The following CCSER1 variants were observed in gnomAD, a reference collection of about 807,000 sequenced individuals.
CCSER1 encodes serine-rich coiled-coil domain-containing protein 1.
Under a neutral mutation model 82.0 loss-of-function variants are expected in CCSER1, and 41 were observed. That is an observed-to-expected ratio of 0.50 (90% CI 0.39 to 0.65). The LOEUF (loss-of-function observed/expected upper bound fraction) is 0.65, where lower values mean the gene tolerates loss of function less well. Among genes scored for constraint, CCSER1 ranks in the 30% least tolerant of loss-of-function variants. The pLI is 0.00. For synonymous variants in CCSER1, 414 were observed against 383.9 expected, an observed-to-expected ratio of 1.08 and a Z score of -0.92; for missense variants, 1,119 against 1,064.2, an observed-to-expected ratio of 1.05 and a Z score of -0.72.
At chr4:90,983,975 A>G (rs951759847) in intron 9 of CCSER1, among the ~76,000 whole-genome samples, 3 of 151,770 alleles carry the variant, frequency 2.0e-5, no homozygotes, top group Admixed American at 2.0e-4. Context: ...CTCTTTTTGT[A>G]TCAGCAACAG....
chr4:91,363,449 G>GA (rs1181936685), intron 10 of CCSER1, among the ~76,000 whole-genome samples: 10 of 150,616 alleles, frequency 6.6e-5, no homozygotes, highest in Non-Finnish European at 1.3e-4. Context: ...AACAGCTAAG[G>GA]AAAAAACTGT....
chr4:90,587,898 A>G (rs1241685863), intron 5 of CCSER1, among the ~76,000 whole-genome samples: 3 of 152,226 alleles, frequency 2.0e-5, no homozygotes, highest in Non-Finnish European at 4.4e-5. Flanking sequence ...GACCACCATA[A>G]TCAAGTGAAT....
At chr4:91,349,707 C>CTT (rs112091178) in intron 10 of CCSER1, among the ~76,000 whole-genome samples, 21 of 145,598 alleles carry the variant, frequency 1.4e-4, no homozygotes, top group Middle Eastern at 7.4e-3. Context: ...GAGAGTTTTT[C>CTT]TTTTTTTTTT....
Position 91,012,307 on chromosome 4 carries a change from G to A in CCSER1, c.2173-73643G>A, listed in dbSNP as rs1381141437. On this transcript the variant is annotated intron_variant, in intron 9 of 10. Coordinates refer to ENST00000509176, the MANE Select transcript of CCSER1 (RefSeq NM_001145065.2). Reference sequence around the variant, plus strand: ...CTAGCAAAGGGGACAGGGCATAGCAGTGACTGGGAGGGGTACATGGAGCAG... The same window carrying A: ...CTAGCAAAGGGGACAGGGCATAGCAATGACTGGGAGGGGTACATGGAGCAG... 1.5e-5 allele frequency among the ~76,000 whole-genome samples: 2 copies of A among 134,186 alleles called. 1 individual carries two copies. Among genetic ancestry groups the A allele is most frequent in the Non-Finnish European group, 3.5e-5 (2 of 57,572 alleles). The allele number at this position is 134,186 out of a possible 152,430, so 88.0% of individuals were successfully genotyped here.
intron 3 of CCSER1, among the ~76,000 whole-genome samples, chr4:90,373,876 GTTC>G (rs1289711187): frequency 1.3e-5 from 2 of 152,176 alleles, no homozygotes; most frequent in Non-Finnish European, 1.5e-5. Flanking sequence ...TAAACTCATG[GTTC>G]TTCTCCTGTA....
chr4:91,420,597 T>TGTAA (rs1172182376), intron 10 of CCSER1, among the ~76,000 whole-genome samples: 3 of 152,106 alleles, frequency 2.0e-5, no homozygotes, highest in African/African-American at 4.8e-5. Flanking sequence ...TTGGTAGAAA[T>TGTAA]GTAAGTTTGT....
chr4:91,369,376 G>T (rs751734092), intron 10 of CCSER1, among the ~76,000 whole-genome samples: 2 of 152,126 alleles, frequency 1.3e-5, no homozygotes, highest in Admixed American at 6.6e-5. Context: ...TGAGATGTTG[G>T]GGTGGTTTTT....
At chr4:90,443,663 A>G (rs913494112) in intron 4 of CCSER1, among the ~76,000 whole-genome samples, 2 of 152,034 alleles carry the variant, frequency 1.3e-5, no homozygotes, top group African/African-American at 4.8e-5. Context: ...TATATTTTAT[A>G]TTTTTCATTG....
At chr4:91,075,022 T>C (rs779006626) in intron 9 of CCSER1, among the ~76,000 whole-genome samples, 2 of 152,152 alleles carry the variant, frequency 1.3e-5, no homozygotes, top group Non-Finnish European at 2.9e-5. Flanking sequence ...TATGACATGA[T>C]AGAAGTTTTA....
intron 5 of CCSER1, among the ~76,000 whole-genome samples, chr4:90,486,578 A>T (rs950035117): frequency 6.6e-6 from 1 of 152,192 alleles, no homozygotes; most frequent in African/African-American, 2.4e-5. Flanking sequence ...CTAAAACTTC[A>T]CTAGTCATGA....
intron 10 of CCSER1, among the ~76,000 whole-genome samples, chr4:91,177,366 G>A (rs1400953352): frequency 2.6e-5 from 4 of 152,064 alleles, no homozygotes; most frequent in Non-Finnish European, 4.4e-5. Flanking sequence ...CTCTTTTTCT[G>A]TTCATTGGAA....
chr4:90,840,135 T>C (rs1002994585), intron 8 of CCSER1, among the ~76,000 whole-genome samples: 1 of 152,156 alleles, frequency 6.6e-6, no homozygotes, highest in Non-Finnish European at 1.5e-5. Flanking sequence ...ACATCTGCTA[T>C]TAAAATGAAC....
At position 91,526,620 on chromosome 4, in the gene CCSER1, C is replaced by A. The variant is rs187654996; in HGVS notation, c.2218-71952C>A. On this transcript the variant is annotated intron_variant, in intron 10 of 10. Transcript: ENST00000509176. The stretch of plus-strand genomic sequence containing the variant: ...CATATACTCTATTATTTACTTATTT[C>A]TTGAGATGGAGTTTGCTCCTATTGC... Among the ~76,000 whole-genome samples, 407 of 152,218 alleles carry A rather than the reference C, an allele frequency of 2.7e-3. 1 individual carries two copies. The highest frequency in any genetic ancestry group is 9.3e-3 in the African/African-American group (388 of 41,522).
chr4:90,388,485 T>A (rs1366477919), intron 3 of CCSER1, among the ~76,000 whole-genome samples: 1 of 152,130 alleles, frequency 6.6e-6, no homozygotes, highest in East Asian at 1.9e-4. Flanking sequence ...AAATTTTGTA[T>A]TTTTAGTAGA....
intron 9 of CCSER1, among the ~76,000 whole-genome samples, chr4:91,050,684 T>G (rs950464251): frequency 6.6e-6 from 1 of 152,136 alleles, no homozygotes; most frequent in Non-Finnish European, 1.5e-5. Context: ...AGTTGCTTCC[T>G]TTGGAAGGAA....
At chr4:90,637,144 C>T (rs1209625904) in intron 6 of CCSER1, among the ~76,000 whole-genome samples, 1 of 152,092 alleles carries the variant, frequency 6.6e-6, no homozygotes, top group Non-Finnish European at 1.5e-5. Flanking sequence ...CATTAGTTTG[C>T]ACTCAGGATG....
intron 6 of CCSER1, among the ~76,000 whole-genome samples, chr4:90,699,960 G>A (rs1030264288): frequency 4.6e-5 from 7 of 151,632 alleles, no homozygotes; most frequent in African/African-American, 1.7e-4. Flanking sequence ...TATTGAATCT[G>A]CCAGTGCAAT....
At chr4:90,383,862 G>C (rs1411524210) in intron 3 of CCSER1, among the ~76,000 whole-genome samples, 2 of 151,940 alleles carry the variant, frequency 1.3e-5, no homozygotes, top group Non-Finnish European at 2.9e-5. Flanking sequence ...CTCCTGAGTA[G>C]CTAGGACTAC....
intron 3 of CCSER1, among the ~76,000 whole-genome samples, chr4:90,355,657 A>G (rs868774487): frequency 6.6e-6 from 1 of 151,952 alleles, no homozygotes; most frequent in African/African-American, 2.4e-5. Flanking sequence ...CCTCTGTGCC[A>G]TAGACAGTAG....
Sources: allele counts gnomAD v4.1 joint callset (sites outside exome capture counted in the v4.1 genomes callset), GRCh38; gene constraint gnomAD v4.1.1; transcripts MANE v1.5; gene names NCBI Gene and HGNC (gene_info 2026-07-23, HGNC 2026-07-21).